DNAH2: variants seen among roughly 807,000 people sequenced by gnomAD.
DNAH2 encodes the protein dynein axonemal heavy chain 2, also known as axonemal beta dynein heavy chain 2.
DNAH2 carries 323 observed loss-of-function variants against 523.5 expected under a neutral mutation model. That is an observed-to-expected ratio of 0.62 (90% confidence interval 0.56 to 0.68). The LOEUF is 0.68. Ranked by LOEUF, DNAH2 falls within the 30% of genes least tolerant of loss-of-function variation. The pLI is 0.00. For synonymous variants in DNAH2, 2,093 were observed against 2,177.4 expected (o/e 0.96, Z 1.08); for missense variants, 4,907 against 5,701.5 (o/e 0.86, Z 4.49).
chr17:7,768,302 T>G, intron 24 of DNAH2, 35 bp downstream of exon 24: 1 of 1,610,780 alleles, frequency 6.2e-7, no homozygotes, highest in Non-Finnish European at 8.5e-7. Flanking sequence ...GTGTCCACTC[T>G]GCCCCGCTGG....
At chr17:7,774,008 G>A (rs2076385787) in intron 28 of DNAH2, among the ~76,000 whole-genome samples, 1 of 152,150 alleles carries the variant, frequency 6.6e-6, no homozygotes, top group Non-Finnish European at 1.5e-5. Flanking sequence ...GGGATTACAG[G>A]CATGAGCCAC....
At chr17:7,740,285 T>C in intron 9 of DNAH2, 135 bp from the exon 10 acceptor site, 1 of 1,335,958 alleles carries the variant, frequency 7.5e-7, no homozygotes, top group Non-Finnish European at 1.0e-6. Context: ...AATGGATTCA[T>C]GTAGGTAAAG....
chr17:7,725,188 C>G (rs1490946361), intron 3 of DNAH2, among the ~76,000 whole-genome samples: 2 of 151,688 alleles, frequency 1.3e-5, no homozygotes, highest in African/African-American at 4.8e-5. Flanking sequence ...CTCCCAGGCT[C>G]AAGTGATTCT....
chr17:7,760,658 G>T lies in DNAH2; in HGVS notation c.2786-82G>T, dbSNP rs2075979877. 3 of 1,383,192 alleles carry T rather than the reference G, an allele frequency of 2.2e-6. No individual in the cohort carries two copies. The highest frequency in any genetic ancestry group is 3.0e-6 in the Non-Finnish European group (3 of 1,005,482). 85.7% of individuals were successfully genotyped at this position (1,383,192 alleles called of 1,614,324 possible). A position where few individuals can be genotyped will look rare whatever the true frequency, so the allele number is the denominator to read the frequency against. On this transcript the variant is annotated intron_variant, in intron 17 of 85. Coordinates refer to ENST00000572933, the MANE Select transcript of DNAH2 (RefSeq NM_020877.5). This position sits in a 1 kb window ranked among gnomAD's most constrained non-coding sequence, Gnocchi z 4.0. ...TGGGAAGCTGGTTTTAGAGTGGAAG[G>T]TCTGGAGCAGTGGGCAGGGCTCAGG...
At chr17:7,810,862 AAGAGGCTC>A (rs140112761) in intron 63 of DNAH2, among the ~76,000 whole-genome samples, 36,936 of 151,950 alleles carry the variant, frequency 0.24, 5,472 homozygotes, top group Middle Eastern at 0.37. Context: ...CAGGTCTGAA[AAGAGGCTC>A]AGAGCCCAAC....
In DNAH2 at chr17:7,775,357, G is replaced by A. The variant is rs1433647476; in HGVS notation, c.4821+15G>A. 2.5e-6 allele frequency: 4 copies of A among 1,602,568 alleles called. No individual in the cohort carries two copies. Among genetic ancestry groups the A allele is most frequent in the Middle Eastern group, 1.8e-4 (1 of 5,700 alleles). On this transcript the variant is annotated intron_variant, in intron 30 of 85. Transcript: ENST00000572933. ...GCCCTGTGGAGGTGAGTTGTGGTGA[G>A]GGTCTGAGGACCTAGCTGATTCTTC...
At chr17:7,816,488 C>T in intron 63 of DNAH2, 83 bp from the exon 64 acceptor site, 1 of 1,517,576 alleles carries the variant, frequency 6.6e-7, no homozygotes, top group Non-Finnish European at 9.0e-7. Flanking sequence ...ATGGCAGCTA[C>T]AAAATGGCAG....
At chr17:7,795,415 G>A (rs985402731) in intron 49 of DNAH2, among the ~76,000 whole-genome samples, 1 of 151,894 alleles carries the variant, frequency 6.6e-6, no homozygotes, top group Non-Finnish European at 1.5e-5. Context: ...GCTCCCAGCT[G>A]TAATCCCAGT....
At position 7,799,315 on chromosome 17, in the gene DNAH2, C is replaced by T; in HGVS notation, c.8699+73C>T. 2.5e-6 allele frequency: 4 copies of T among 1,574,914 alleles called. No individual in the cohort carries two copies. In the African/African-American group the frequency reaches 4.0e-5, roughly 16 times the overall value. On this transcript the variant is annotated intron_variant, in intron 56 of 85. Transcript: ENST00000572933. The stretch of plus-strand genomic sequence containing the variant: ...ACCCTGCTGTGGCCTCCTGTGCCTT[C>T]TGGAAATTAGTGTCAGGAATAACAG...
chr17:7,798,466 G>A lies in DNAH2; in HGVS notation c.8399-92G>A, dbSNP rs979294129. 2.1e-5 allele frequency: 33 copies of A among 1,556,400 alleles called. No homozygotes were observed. The highest frequency in any genetic ancestry group is 2.6e-5 in the Non-Finnish European group (30 of 1,152,584). On this transcript the variant is annotated intron_variant, in intron 54 of 85. Coordinates refer to ENST00000572933, the MANE Select transcript of DNAH2 (RefSeq NM_020877.5). The surrounding 1 kb of genome is among the most constrained non-coding windows in gnomAD (Gnocchi z 5.5). ...TAGGATGGTGTCGCGTGTATGCTGC[G>A]GGGCGGGGAGGGTTCCTAAATCTCA... is the stretch of plus-strand genomic sequence containing the variant.
intron 3 of DNAH2, among the ~76,000 whole-genome samples, chr17:7,725,741 G>A (rs1444697508): frequency 7.6e-6 from 1 of 132,128 alleles, no homozygotes; most frequent in Admixed American, 9.5e-5. Context: ...GAGCCACCAC[G>A]CCTGGCCAAT....
At chr17:7,741,242 CTTTCTT>C (rs1567624272) in intron 11 of DNAH2, among the ~76,000 whole-genome samples, 16 of 28,248 alleles carry the variant, frequency 5.7e-4, no homozygotes, top group African/African-American at 2.5e-3. Context: ...CTCTCTCTTT[CTTTCTT>C]TCTTTCTTTC....
At chr17:7,742,385 C>G (rs1315171080) in intron 11 of DNAH2, among the ~76,000 whole-genome samples, 1 of 152,098 alleles carries the variant, frequency 6.6e-6, no homozygotes, top group Non-Finnish European at 1.5e-5. Flanking sequence ...GAGCCGAGAT[C>G]GCGCCACTGT....
At chr17:7,720,203 C>G (rs567098271) in intron 2 of DNAH2, among the ~76,000 whole-genome samples, 1 of 152,310 alleles carries the variant, frequency 6.6e-6, no homozygotes, top group East Asian at 1.9e-4. Flanking sequence ...CCTGGTTGCT[C>G]CTACCCCACT....
intron 79 of DNAH2, 34 bp downstream of exon 79, chr17:7,830,876 A>T (rs933847545): frequency 6.2e-7 from 1 of 1,611,838 alleles, no homozygotes; most frequent in Admixed American, 1.7e-5. Flanking sequence ...AGGGAGCCAG[A>T]GGTCACAAGT....
chr17:7,816,815 C>G (rs1315693966), intron 64 of DNAH2, 80 bp downstream of exon 64: 4 of 1,545,700 alleles, frequency 2.6e-6, no homozygotes, highest in South Asian at 1.2e-5. Flanking sequence ...GCTTGAGGAG[C>G]AGTCAGGGAA....
chr17:7,799,096 T>G lies in DNAH2; in HGVS notation c.8560-7T>G. 6.2e-7 allele frequency: 1 copy of G among 1,614,034 alleles called. No individual in the cohort carries two copies. The highest frequency in any genetic ancestry group is 8.5e-7 in the Non-Finnish European group (1 of 1,179,972). On this transcript the variant is annotated splice_region_variant and splice_polypyrimidine_tract_variant and intron_variant, in intron 55 of 85. Coordinates refer to ENST00000572933, the MANE Select transcript of DNAH2 (RefSeq NM_020877.5). Reference sequence around the variant, plus strand: ...CAGCCCTCTGACCCTGGGTGGCTTCTGTCCAGATCCAGTCGCATATCATAG... The same window carrying G: ...CAGCCCTCTGACCCTGGGTGGCTTCGGTCCAGATCCAGTCGCATATCATAG...
rs758999727 is a variant in DNAH2, at chr17:7,774,942, G to A, written c.4685G>A (p.Cys1562Tyr). 1 of 1,614,118 alleles carries A rather than the reference G, an allele frequency of 6.2e-7. No homozygotes were observed. Among genetic ancestry groups the A allele is most frequent in the South Asian group, 1.1e-5 (1 of 91,076 alleles). Residue 1562 changes from cysteine (C) to tyrosine (Y), a missense_variant, in exon 29 of 86, where the codon TGC (cysteine) becomes TAC (tyrosine). Around this residue, in one of 3 missense-constraint regions of DNAH2, gnomAD observed 2,806 missense variants for 3,190.8 expected, o/e 0.88. Coordinates refer to ENST00000572933, the MANE Select transcript of DNAH2 (RefSeq NM_020877.5). ...GCTGTGCAGCCACACCTCAAAAAAT[G>A]CTTTGACAACATCAAGTTGCTGAGA... ...PEAVQPHLKK[C>Y]FDNIKLLRIQ...
At chr17:7,741,301 CCT>C (rs1567625071) in intron 11 of DNAH2, among the ~76,000 whole-genome samples, 1,920 of 50,318 alleles carry the variant, frequency 0.038, 119 homozygotes, top group Non-Finnish European at 0.049. Context: ...TTTCTTCCTT[CCT>C]TCCCTCCCTC....
Sources: gnomAD v4.1 joint callset for allele counts (sites outside exome capture counted in the v4.1 genomes callset) on GRCh38, gnomAD v4.1.1 for gene constraint, gnomAD v4.1.1 regional missense constraint, Gnocchi (gnomAD v3.1) non-coding constraint, MANE v1.5 for transcripts, NCBI Gene and HGNC (gene_info 2026-07-23, HGNC 2026-07-21) for gene names.